Variants in ZNF69 observed in about 807,000 individuals in gnomAD.
ZNF69 encodes the protein zinc finger protein 69, also known as ZNF3.
A neutral mutation model predicts 50.9 loss-of-function variants in ZNF69; 47 were observed. The observed-to-expected ratio is 0.92, with a 90% CI of 0.73 to 1.18. ZNF69 has a LOEUF of 1.18. Among genes scored for constraint, ZNF69 ranks in the 50% most tolerant of loss-of-function variants. The pLI, the probability that ZNF69 is intolerant of heterozygous loss-of-function variation, is 0.00. For missense variants in ZNF69, 717 were observed against 675.1 expected, an observed-to-expected ratio of 1.06 and a Z score of -0.69; for synonymous variants, 216 against 223.1, an observed-to-expected ratio of 0.97 and a Z score of 0.29.
downstream of ZNF69, among the ~76,000 whole-genome samples, chr19:11,907,648 G>A (rs1159315221): frequency 1.3e-5 from 2 of 152,172 alleles, no homozygotes; most frequent in East Asian, 3.8e-4. Flanking sequence ...CACCAGGCCT[G>A]CTGTAAAAGA....
intron 4 of ZNF69, chr19:11,913,274 T>C (rs1599365394): frequency 2.2e-6 from 1 of 460,026 alleles, no homozygotes. Context: ...TGTTATTATT[T>C]GGACATTGTG....
Position 11,887,931 on chromosome 19 carries a change from G to C in ZNF69, c.8G>C (p.Cys3Ser). 1 of 1,611,942 alleles carries C rather than the reference G, an allele frequency of 6.2e-7. No homozygotes were observed. The highest frequency in any genetic ancestry group is 1.1e-5 in the South Asian group (1 of 91,070). Residue 3 changes from cysteine to serine, a missense_variant, in exon 1 of 4, where the codon TGC (cysteine) becomes TCC (serine). Cys to Ser is a moderately radical substitution (Grantham distance 112). Coordinates refer to ENST00000429654, the MANE Select transcript of ZNF69 (RefSeq NM_001364730.1). MP[C>S]CSHRRCREDP... The stretch of plus-strand genomic sequence containing the variant: ...CACTCTGTCACCTACGCTATGCCCT[G>C]CTGTAGTCACAGGAGGTGTAGAGAG...
At chr19:11,961,962 T>C in the ZNF69 span, among the ~76,000 whole-genome samples, 174 of 142,534 alleles carry the variant, frequency 1.2e-3, no homozygotes, top group African/African-American at 4.5e-3. Flanking sequence ...CACACACATA[T>C]ATATTGTTTT....
the ZNF69 span, among the ~76,000 whole-genome samples, chr19:11,934,046 T>C: frequency 6.8e-6 from 1 of 147,646 alleles, no homozygotes; most frequent in South Asian, 2.1e-4. Context: ...ATTCACCTAC[T>C]GAAAGGCTCA....
At chr19:11,945,682 G>C in the ZNF69 span, among the ~76,000 whole-genome samples, 1 of 152,078 alleles carries the variant, frequency 6.6e-6, no homozygotes, top group Non-Finnish European at 1.5e-5. Context: ...CTTATCTCTT[G>C]ACCTGGCTCG....
the ZNF69 span, chr19:11,978,741 G>A: frequency 4.3e-6 from 7 of 1,613,618 alleles, no homozygotes; most frequent in Non-Finnish European, 5.9e-6. Context: ...TTCTTTTCAA[G>A]CACATAAAAG....
At chr19:11,902,715 A>G (rs992406175) in intron 1 of ZNF69, among the ~76,000 whole-genome samples, 3 of 150,928 alleles carry the variant, frequency 2.0e-5, no homozygotes, top group African/African-American at 7.3e-5. Context: ...TGCTACCTAC[A>G]TGCTTCCTCT....
chr19:11,922,957 T>A, the ZNF69 span, among the ~76,000 whole-genome samples: 1 of 151,884 alleles, frequency 6.6e-6, no homozygotes, highest in East Asian at 1.9e-4. Context: ...TGATTACAGG[T>A]ACACACCACC....
Position 11,905,796 on chromosome 19 carries a change from AC to A in ZNF69, c.1400del (p.Thr467AsnfsTer3). The A allele has an allele frequency of 6.2e-7, 1 of 1,613,744 alleles. No homozygotes were observed. Reference sequence around the variant, plus strand: ...CCTTCAAAGTCATGAAAGGACACAAACACACGTAAGAATACACTCTGGAGAA... The same window carrying A: ...CCTTCAAAGTCATGAAAGGACACAAAACACGTAAGAATACACTCTGGAGAA... ...KNLQSHERTQTHVRIHSGERP... is the reference protein window; with the variant it reads ...KNLQSHERTQXHVRIHSGERP... On this transcript the variant is annotated frameshift_variant, in exon 4 of 4. Transcript: ENST00000429654. LOFTEE classifies it high-confidence loss of function.
At chr19:11,948,613 A>C in the ZNF69 span, 5 of 1,611,624 alleles carry the variant, frequency 3.1e-6, no homozygotes, top group Non-Finnish European at 4.2e-6. Flanking sequence ...CTATGCTTGT[A>C]AAGTCTGTGG....
At chr19:11,908,434 T>C (rs1972410552), downstream of ZNF69, among the ~76,000 whole-genome samples, 2 of 152,146 alleles carry the variant, frequency 1.3e-5, no homozygotes, top group Non-Finnish European at 2.9e-5. Context: ...AAAGCACTCC[T>C]CAGCAAATGT....
At chr19:11,978,501 A>T in the ZNF69 span, 1 of 1,614,122 alleles carries the variant, frequency 6.2e-7, no homozygotes, top group East Asian at 2.2e-5. Flanking sequence ...ACGCATGGTA[A>T]TGCACAGTGG....
the ZNF69 span, among the ~76,000 whole-genome samples, chr19:11,950,984 C>T: frequency 6.6e-6 from 1 of 151,732 alleles, no homozygotes; most frequent in Non-Finnish European, 1.5e-5. Context: ...AACCCTGTCT[C>T]TACTAAAAAT....
chr19:11,978,245 T>A, the ZNF69 span: 1 of 1,614,092 alleles, frequency 6.2e-7, no homozygotes, highest in Non-Finnish European at 8.5e-7. Context: ...AATCATGTGA[T>A]AACTTTGTAT....
At chr19:11,968,755 C>T in the ZNF69 span, among the ~76,000 whole-genome samples, 1 of 152,198 alleles carries the variant, frequency 6.6e-6, no homozygotes, top group East Asian at 1.9e-4. Context: ...CGGGATGGCT[C>T]ACACCTGTAA....
Position 11,901,947 on chromosome 19 carries a change from C to A in ZNF69, c.64-1626C>A, listed in dbSNP as rs1972252641. On this transcript the variant is annotated intron_variant, in intron 1 of 3. Coordinates refer to ENST00000429654, the MANE Select transcript of ZNF69 (RefSeq NM_001364730.1). ...TTTTCAATTATCCTGAGGTTTCATG[C>A]ATGTTGTAGTATAGGCCAAGATGTT... 4.0e-5 allele frequency among the ~76,000 whole-genome samples: 6 copies of A among 149,736 alleles called. No homozygotes were observed. The South Asian group carries it at 1.1e-3, about 27-fold the overall frequency.
intron 1 of ZNF69, among the ~76,000 whole-genome samples, chr19:11,900,057 G>A (rs1365633310): frequency 2.0e-5 from 3 of 152,002 alleles, no homozygotes; most frequent in East Asian, 1.9e-4. Flanking sequence ...GGGTTTAAGC[G>A]ATTCTCCTGA....
At chr19:11,912,990 G>A (rs1164675884) in intron 4 of ZNF69, among the ~76,000 whole-genome samples, 1 of 152,208 alleles carries the variant, frequency 6.6e-6, no homozygotes, top group Non-Finnish European at 1.5e-5. Flanking sequence ...GAGGCCAGGA[G>A]ATCGAGACCA....
Position 11,905,999 on chromosome 19 carries a change from T to C in ZNF69, c.1602T>C (p.Tyr534=). ...HERTHTGEKP[Y]KCKQCGKAFR... is the part of the protein sequence containing the mutation. ...GGACTCACACTGGAGAGAAACCCTA[T>C]AAATGCAAGCAATGTGGGAAAGCCT... Residue 534 remains tyrosine (Y), a synonymous_variant, in exon 4 of 4, where the codon TAT becomes TAC. Coordinates refer to ENST00000429654, the MANE Select transcript of ZNF69 (RefSeq NM_001364730.1). The C allele has an allele frequency of 6.2e-7, 1 of 1,614,044 alleles. No homozygotes were observed. The highest frequency in any genetic ancestry group is 8.5e-7 in the Non-Finnish European group (1 of 1,180,010).
Sources: gnomAD v4.1 joint callset for allele counts (sites outside exome capture counted in the v4.1 genomes callset) on GRCh38, gnomAD v4.1.1 for gene constraint, MANE v1.5 for transcripts, NCBI Gene and HGNC (gene_info 2026-07-23, HGNC 2026-07-21) for gene names.